Variants in ECHDC1 observed in about 807,000 individuals in gnomAD.
The protein encoded by ECHDC1 is ethylmalonyl-CoA decarboxylase 1.
ECHDC1 carries 29 observed loss-of-function variants against 29.7 expected under a neutral mutation model. The ratio of observed to expected loss-of-function variants is 0.98; its 90% CI spans 0.73 to 1.33. The LOEUF (loss-of-function observed/expected upper bound fraction) is 1.33. Among genes scored for constraint, ECHDC1 ranks in the 40% most tolerant of loss-of-function variants. The pLI, the probability that ECHDC1 is intolerant of heterozygous loss-of-function variation, is 0.00. For missense variants in ECHDC1, 328 were observed against 350.0 expected, an observed-to-expected ratio of 0.94 and a Z score of 0.50; for synonymous variants, 126 against 123.1, an observed-to-expected ratio of 1.02 and a Z score of -0.15.
chr6:127,320,876 T>C (rs1782776412), intron 3 of ECHDC1, among the ~76,000 whole-genome samples: 1 of 152,060 alleles, frequency 6.6e-6, no homozygotes, highest in South Asian at 2.1e-4. Context: ...GATCAACTTC[T>C]TATGGGATCA....
intron 2 of ECHDC1, among the ~76,000 whole-genome samples, chr6:127,329,294 A>C (rs1253760662): frequency 6.6e-6 from 1 of 152,174 alleles, no homozygotes; most frequent in Non-Finnish European, 1.5e-5. Context: ...GTGCTCATTC[A>C]TCCTCTCCCA....
chr6:127,343,158 A>T (rs1021879200), intron 1 of ECHDC1, 178 bp downstream of exon 1: 3 of 152,098 alleles, frequency 2.0e-5, no homozygotes, highest in African/African-American at 7.2e-5. Context: ...CTCCACGTCC[A>T]GCGCGGGGCA....
Position 127,320,421 on chromosome 6 carries a change from G to A in ECHDC1, c.364-3919C>T, listed in dbSNP as rs1582979066. Among the ~76,000 whole-genome samples, 4 of 152,160 alleles carry A rather than the reference G, an allele frequency of 2.6e-5. 1 individual carries two copies. Among genetic ancestry groups the A allele is most frequent in the East Asian group, 1.9e-4 (1 of 5,194 alleles). ...CATAGAAACATAAGCAACAGAGATCGAAGGAACAATAGATTGGGAGAAAAG... is the reference window on the plus strand; with the variant it reads ...CATAGAAACATAAGCAACAGAGATCAAAGGAACAATAGATTGGGAGAAAAG... On this transcript the variant is annotated intron_variant, in intron 3 of 5. Coordinates refer to ENST00000454859, the MANE Select transcript of ECHDC1 (RefSeq NM_001002030.2).
intron 3 of ECHDC1, chr6:127,326,789 C>G (rs533916289): frequency 5.2e-5 from 26 of 496,080 alleles, no homozygotes; most frequent in African/African-American, 3.3e-4. Context: ...TAACAAGAGC[C>G]GTTCGCAGAT....
rs1176449539 is a variant in ECHDC1 at position 127,314,821 on chromosome 6, A to G, written c.492T>C (p.Asp164=). 1.8e-5 allele frequency: 29 copies of G among 1,603,264 alleles called. No homozygotes were observed. The highest frequency in any genetic ancestry group is 2.5e-5 in the Non-Finnish European group (29 of 1,176,192). The change falls in exon 5 of 6, where the codon GAT becomes GAC. Residue 164 remains aspartate, a synonymous_variant. Transcript: ENST00000454859. The part of the protein sequence containing the change: ...GGGAEFTTAC[D]FRLMTPESKI... ...TAATGAAATTTTCATCCTACCTGAA[A>G]TCACATGCTGTAGTAAATTCTGCTC...
At chr6:127,337,778 C>T (rs1186534402) in intron 1 of ECHDC1, among the ~76,000 whole-genome samples, 1 of 152,160 alleles carries the variant, frequency 6.6e-6, no homozygotes, top group Non-Finnish European at 1.5e-5. Flanking sequence ...ATAATCATAA[C>T]CCTCCCATAC....
chr6:127,303,954 G>A (rs1010549334), intron 5 of ECHDC1, among the ~76,000 whole-genome samples: 5 of 152,324 alleles, frequency 3.3e-5, no homozygotes, highest in South Asian at 2.1e-4. Flanking sequence ...GACTTTTCCA[G>A]AGTCTAGTGG....
chr6:127,298,086 C>A (rs547058860), intron 5 of ECHDC1, among the ~76,000 whole-genome samples: 53 of 152,182 alleles, frequency 3.5e-4, no homozygotes, highest in African/African-American at 1.2e-3. Flanking sequence ...ACTTTATTTA[C>A]CCTTAGTCTG....
At chr6:127,303,646 T>G (rs1369263949) in intron 5 of ECHDC1, among the ~76,000 whole-genome samples, 1 of 152,146 alleles carries the variant, frequency 6.6e-6, no homozygotes, top group East Asian at 1.9e-4. Context: ...ACTGAAGCAG[T>G]AAGGGGTAAC....
chr6:127,307,745 G>A (rs1170498911), intron 5 of ECHDC1, among the ~76,000 whole-genome samples: 1 of 116,690 alleles, frequency 8.6e-6, no homozygotes, highest in Non-Finnish European at 1.8e-5. Context: ...AAAATCTCTA[G>A]CCAGACTAAC....
chr6:127,307,845 A>G (rs188197590), intron 5 of ECHDC1, among the ~76,000 whole-genome samples: 47 of 152,076 alleles, frequency 3.1e-4, no homozygotes, highest in African/African-American at 1.1e-3. Context: ...TTCAAGGATT[A>G]TTAGTGGCTA....
At chr6:127,304,882 A>G (rs539828965) in intron 5 of ECHDC1, among the ~76,000 whole-genome samples, 1 of 152,324 alleles carries the variant, frequency 6.6e-6, no homozygotes, top group East Asian at 1.9e-4. Context: ...GACAAAAGAA[A>G]AAAGATAAAA....
intron 2 of ECHDC1, 76 bp from the exon 3 acceptor site, chr6:127,327,220 G>A: frequency 1.3e-6 from 2 of 1,510,460 alleles, no homozygotes; most frequent in African/African-American, 2.8e-5. Context: ...TAAATCACAA[G>A]TGTCAAGCAT....
Position 127,327,161 on chromosome 6 carries a change from T to C in ECHDC1, c.221-17A>G. 6.2e-7 allele frequency: 1 copy of C among 1,609,316 alleles called. No individual in the cohort carries two copies. Among genetic ancestry groups the C allele is most frequent in the Non-Finnish European group, 8.5e-7 (1 of 1,177,944 alleles). ...TCATAACACCTGCCAGAGATGGAAG[T>C]GGGAAATCACAAATATATGAAGGTG... On this transcript the variant is annotated splice_polypyrimidine_tract_variant and intron_variant, in intron 2 of 5. Transcript: ENST00000454859.
chr6:127,309,040 T>C (rs141603140), intron 5 of ECHDC1, among the ~76,000 whole-genome samples: 13 of 152,302 alleles, frequency 8.5e-5, no homozygotes, highest in African/African-American at 1.7e-4. Flanking sequence ...CAAAGCAATC[T>C]AGATATTCAG....
At chr6:127,337,538 T>C (rs1784538021) in intron 1 of ECHDC1, among the ~76,000 whole-genome samples, 1 of 152,232 alleles carries the variant, frequency 6.6e-6, no homozygotes, top group Non-Finnish European at 1.5e-5. Context: ...AATGTATTTC[T>C]TAAATGTATT....
chr6:127,322,320 G>A (rs796864155), intron 3 of ECHDC1, among the ~76,000 whole-genome samples: 38 of 152,012 alleles, frequency 2.5e-4, no homozygotes, highest in African/African-American at 9.2e-4. Flanking sequence ...AAAATAAAAC[G>A]AGATCAATGT....
intron 5 of ECHDC1, among the ~76,000 whole-genome samples, chr6:127,308,382 A>G (rs533530124): frequency 6.6e-6 from 1 of 152,336 alleles, no homozygotes; most frequent in East Asian, 1.9e-4. Context: ...TACCAACAGA[A>G]TGAAGGACAA....
chr6:127,339,572 A>G (rs1784733697), intron 1 of ECHDC1, among the ~76,000 whole-genome samples: 1 of 152,146 alleles, frequency 6.6e-6, no homozygotes, highest in East Asian at 1.9e-4. Flanking sequence ...CAGGAGTTTG[A>G]GACCAGCCTG....
Sources: gnomAD v4.1 joint callset for allele counts (sites outside exome capture counted in the v4.1 genomes callset) on GRCh38, gnomAD v4.1.1 for gene constraint, MANE v1.5 for transcripts, NCBI Gene and HGNC (gene_info 2026-07-23, HGNC 2026-07-21) for gene names.